The following DNER variants were observed in gnomAD, a reference collection of about 807,000 sequenced individuals.
DNER encodes delta and Notch-like epidermal growth factor-related receptor.
In DNER, 33 loss-of-function variants were observed where a neutral mutation model predicts 78.2. The ratio of observed to expected loss-of-function variants is 0.42; its 90% CI spans 0.32 to 0.56. The LOEUF (loss-of-function observed/expected upper bound fraction) is 0.56, where lower values mean the gene tolerates loss of function less well. Among genes scored for constraint, DNER ranks in the 20% least tolerant of loss-of-function variants. DNER has a pLI of 0.11. For synonymous variants in DNER, 417 were observed against 384.8 expected, an observed-to-expected ratio of 1.08 and a Z score of -0.98; for missense variants, 918 against 975.3, an observed-to-expected ratio of 0.94 and a Z score of 0.78.
rs559549838 is a variant in DNER at position 229,587,959 on chromosome 2, A to G, written c.680+435T>C. On this transcript the variant is annotated intron_variant, in intron 3 of 12. Transcript: ENST00000341772. ...TTTTAAAGAGAAAACTGTAAAAATA[A>G]ATAAATAAATAAAAATTATAAAAAA... 1.1e-4 allele frequency among the ~76,000 whole-genome samples: 17 copies of G among 151,968 alleles called. No individual in the cohort carries two copies. The East Asian group carries it at 3.3e-3, about 29-fold the overall frequency.
At chr2:229,587,101 G>A (rs536775031) in intron 3 of DNER, 1 of 602,568 alleles carries the variant, frequency 1.7e-6, no homozygotes, top group South Asian at 7.3e-5. Context: ...AGCATTTAAC[G>A]AGATAGAAGA....
intron 1 of DNER, among the ~76,000 whole-genome samples, chr2:229,652,822 A>T (rs183810030): frequency 6.6e-6 from 1 of 152,290 alleles, no homozygotes; most frequent in Admixed American, 6.5e-5. Context: ...TGTTTTTCCC[A>T]TTGGTTACAA....
intron 7 of DNER, among the ~76,000 whole-genome samples, chr2:229,462,159 A>G (rs1694716464): frequency 6.6e-6 from 1 of 152,140 alleles, no homozygotes; most frequent in Non-Finnish European, 1.5e-5. Flanking sequence ...AAAGAAATCA[A>G]TACCCTTGAG....
intron 6 of DNER, among the ~76,000 whole-genome samples, chr2:229,478,660 A>G (rs1364707029): frequency 2.0e-5 from 3 of 152,210 alleles, no homozygotes; most frequent in Non-Finnish European, 4.4e-5. Flanking sequence ...TTGGCTAAAA[A>G]TAATAGCCAA....
chr2:229,669,110 A>C (rs1433850978), intron 1 of DNER, among the ~76,000 whole-genome samples: 5 of 152,056 alleles, frequency 3.3e-5, no homozygotes, highest in Non-Finnish European at 7.4e-5. Context: ...GCAAACTAAC[A>C]CAAGAACAGA....
At chr2:229,709,065 A>T (rs1699871283) in intron 1 of DNER, among the ~76,000 whole-genome samples, 1 of 152,232 alleles carries the variant, frequency 6.6e-6, no homozygotes, top group African/African-American at 2.4e-5. Flanking sequence ...TCATCCTAGT[A>T]GAGAGAAAAA....
chr2:229,460,146 G>A (rs55679622), intron 7 of DNER, among the ~76,000 whole-genome samples: 12,908 of 105,704 alleles, frequency 0.12, 1,486 homozygotes, highest in African/African-American at 0.33. Context: ...GACAGAGTGA[G>A]ACTCCGTCTC....
chr2:229,606,802 A>G (rs1207524494), intron 1 of DNER, among the ~76,000 whole-genome samples: 1 of 152,144 alleles, frequency 6.6e-6, no homozygotes, highest in East Asian at 1.9e-4. Flanking sequence ...CTGAGGCAGG[A>G]GAATCGCTTG....
chr2:229,609,241 A>T (rs927260187), intron 1 of DNER, among the ~76,000 whole-genome samples: 1 of 152,152 alleles, frequency 6.6e-6, no homozygotes, highest in African/African-American at 2.4e-5. Flanking sequence ...AATAAATAAA[A>T]ATGTGATCTT....
chr2:229,397,763 C>T (rs1034893628), intron 10 of DNER, among the ~76,000 whole-genome samples: 4 of 151,944 alleles, frequency 2.6e-5, no homozygotes, highest in Non-Finnish European at 5.9e-5. Flanking sequence ...ACAACATGCT[C>T]ATAAGTAATC....
At chr2:229,525,977 C>T (rs1482847966) in intron 5 of DNER, among the ~76,000 whole-genome samples, 1 of 152,140 alleles carries the variant, frequency 6.6e-6, no homozygotes, top group East Asian at 1.9e-4. Context: ...TTAATTAAAT[C>T]TTATTAAATG....
chr2:229,500,839 T>C (rs61211340), intron 6 of DNER, among the ~76,000 whole-genome samples: 18,967 of 152,164 alleles, frequency 0.12, 1,324 homozygotes, highest in South Asian at 0.2. Context: ...GTCTTTTATC[T>C]CTCACCCCCC....
intron 11 of DNER, among the ~76,000 whole-genome samples, chr2:229,375,114 G>A (rs1455007617): frequency 6.6e-6 from 1 of 152,150 alleles, no homozygotes; most frequent in Non-Finnish European, 1.5e-5. Flanking sequence ...TTCTGTACTT[G>A]CAGCAAATTG....
intron 10 of DNER, among the ~76,000 whole-genome samples, chr2:229,400,994 A>T (rs1693255334): frequency 6.6e-6 from 1 of 152,076 alleles, no homozygotes. Context: ...ATGTGATGTG[A>T]TAGGATTAGA....
At chr2:229,542,260 A>G (rs1219473930) in intron 5 of DNER, among the ~76,000 whole-genome samples, 2 of 152,076 alleles carry the variant, frequency 1.3e-5, no homozygotes, top group Admixed American at 6.6e-5. Flanking sequence ...AAGCAGAAGG[A>G]AAGATCAGAA....
chr2:229,396,488 G>C (rs1693145124), intron 10 of DNER, among the ~76,000 whole-genome samples: 1 of 152,140 alleles, frequency 6.6e-6, no homozygotes, highest in Non-Finnish European at 1.5e-5. Flanking sequence ...GAAACAGAAA[G>C]AATAAAAGGG....
chr2:229,549,342 G>A (rs1696685694), intron 4 of DNER, among the ~76,000 whole-genome samples: 1 of 152,136 alleles, frequency 6.6e-6, no homozygotes, highest in South Asian at 2.1e-4. Context: ...GTCTCACTCT[G>A]TTGCCCAGGC....
At chr2:229,531,874 A>T (rs1696309724) in intron 5 of DNER, among the ~76,000 whole-genome samples, 1 of 152,210 alleles carries the variant, frequency 6.6e-6, no homozygotes, top group Non-Finnish European at 1.5e-5. Context: ...GCCAGAAAAC[A>T]TTATGCTGAG....
intron 5 of DNER, among the ~76,000 whole-genome samples, chr2:229,523,614 C>A (rs972306381): frequency 6.6e-6 from 1 of 152,242 alleles, no homozygotes; most frequent in Non-Finnish European, 1.5e-5. Context: ...CTTAGTACCG[C>A]AGGTTATGAC....
Sources: allele counts gnomAD v4.1 joint callset (sites outside exome capture counted in the v4.1 genomes callset), GRCh38; gene constraint gnomAD v4.1.1; transcripts MANE v1.5; gene names NCBI Gene and HGNC (gene_info 2026-07-23, HGNC 2026-07-21).